WWOX: variants seen among roughly 807,000 people sequenced by gnomAD.
The protein encoded by WWOX is WW domain-containing oxidoreductase.
A neutral mutation model predicts 46.2 loss-of-function variants in WWOX; 69 were observed. The ratio of observed to expected loss-of-function variants is 1.49; its 90% confidence interval spans 1.23 to 1.82. The LOEUF is 1.82. Among genes scored for constraint, WWOX ranks in the 40% most tolerant of loss-of-function variants. The pLI, the probability that WWOX is intolerant of heterozygous loss-of-function variation, is 0.00. For missense variants in WWOX, 919 were observed against 542.6 expected (o/e 1.69, Z -6.89); for synonymous variants, 359 against 202.6 (o/e 1.77, Z -6.56).
At chr16:78,532,796 C>T (rs1210023172) in intron 8 of WWOX, among the ~76,000 whole-genome samples, 2 of 152,098 alleles carry the variant, frequency 1.3e-5, no homozygotes, top group Non-Finnish European at 2.9e-5. Flanking sequence ...TTGGGAAAGA[C>T]CTGCCTCCAT....
In WWOX at chr16:79,120,093, A is replaced by C. The variant is rs117308655; in HGVS notation, c.1057-91515A>C. On this transcript the variant is annotated intron_variant, in intron 8 of 8. Transcript: ENST00000566780. Reference sequence around the variant, plus strand: ...TGCAGTTTATTTAGATAACATTTTCACTTAACATCCTGCCGTTAATGACCT... The same window carrying C: ...TGCAGTTTATTTAGATAACATTTTCCCTTAACATCCTGCCGTTAATGACCT... Among the ~76,000 whole-genome samples, 1,298 of 152,210 alleles carry C rather than the reference A, an allele frequency of 8.5e-3. 8 individuals carry two copies. The highest frequency in any genetic ancestry group is 0.015 in the Non-Finnish European group (1,029 of 68,010).
intron 5 of WWOX, among the ~76,000 whole-genome samples, chr16:78,239,403 G>A (rs56015326): frequency 0.17 from 25,301 of 152,108 alleles, 2,880 homozygotes; most frequent in African/African-American, 0.32. Flanking sequence ...TGGAGAACTG[G>A]GTCCAGGGAT....
chr16:79,038,811 A>G (rs1344826756), intron 8 of WWOX, among the ~76,000 whole-genome samples: 1 of 152,086 alleles, frequency 6.6e-6, no homozygotes, highest in African/African-American at 2.4e-5. Context: ...CAGCCTCCCA[A>G]AGTGCTGGGA....
chr16:79,031,372 CTTCTT>C (rs1373232620), intron 8 of WWOX, among the ~76,000 whole-genome samples: 3 of 152,090 alleles, frequency 2.0e-5, no homozygotes, highest in African/African-American at 4.8e-5. Flanking sequence ...CTCCTGCCTC[CTTCTT>C]TTCTTCAGGA....
At chr16:78,378,874 G>T (rs930675642) in intron 5 of WWOX, among the ~76,000 whole-genome samples, 1 of 152,142 alleles carries the variant, frequency 6.6e-6, no homozygotes, top group African/African-American at 2.4e-5. Flanking sequence ...ATATAAAACA[G>T]ACACAAATAA....
At chr16:78,353,902 G>A (rs1375768081) in intron 5 of WWOX, among the ~76,000 whole-genome samples, 1 of 152,208 alleles carries the variant, frequency 6.6e-6, no homozygotes, top group African/African-American at 2.4e-5. Context: ...ATTCCTGGGT[G>A]ATGGCTTCTT....
At chr16:79,050,421 A>T (rs1418946328) in intron 8 of WWOX, among the ~76,000 whole-genome samples, 1 of 152,222 alleles carries the variant, frequency 6.6e-6, no homozygotes, top group African/African-American at 2.4e-5. Flanking sequence ...CAGAAATGCA[A>T]GACAGCAACT....
At chr16:78,394,083 T>C (rs1469622182) in intron 6 of WWOX, among the ~76,000 whole-genome samples, 1 of 152,190 alleles carries the variant, frequency 6.6e-6, no homozygotes, top group Admixed American at 6.5e-5. Context: ...TTCCAAATTT[T>C]GTGGGATGAA....
chr16:79,127,665 G>C (rs535535820), intron 8 of WWOX, among the ~76,000 whole-genome samples: 1 of 152,106 alleles, frequency 6.6e-6, no homozygotes, highest in Non-Finnish European at 1.5e-5. Context: ...TATGCACTCC[G>C]GTCGTTTTCA....
chr16:78,964,431 C>A (rs59064947), intron 8 of WWOX, among the ~76,000 whole-genome samples: 22 of 152,138 alleles, frequency 1.4e-4, no homozygotes, highest in Admixed American at 3.9e-4. Context: ...TTTGCCCCTG[C>A]GCTAGAGATT....
intron 6 of WWOX, among the ~76,000 whole-genome samples, chr16:78,415,105 A>G (rs1349939633): frequency 6.7e-6 from 1 of 148,490 alleles, no homozygotes; most frequent in East Asian, 1.9e-4. Flanking sequence ...ATACAATATT[A>G]TATATAATAT....
intron 5 of WWOX, among the ~76,000 whole-genome samples, chr16:78,315,059 A>G (rs986216733): frequency 2.6e-5 from 4 of 151,968 alleles, no homozygotes; most frequent in Non-Finnish European, 5.9e-5. Context: ...CCATCTATCA[A>G]TCATCTATCA....
chr16:78,774,704 T>C (rs1034115749), intron 8 of WWOX, among the ~76,000 whole-genome samples: 2 of 151,838 alleles, frequency 1.3e-5, no homozygotes, highest in Non-Finnish European at 2.9e-5. Flanking sequence ...GAGGGGAGGC[T>C]GTACATGTCC....
rs566772147 is a variant in WWOX at position 78,845,113 on chromosome 16, C to T, written c.1057-366495C>T. 1.2e-4 allele frequency among the ~76,000 whole-genome samples: 13 copies of T among 111,342 alleles called. No individual in the cohort carries two copies. In the East Asian group the frequency reaches 2.2e-3, roughly 18 times the overall value. 73.0% of individuals were successfully genotyped at this position (111,342 alleles called of 152,430 possible). A position where few individuals can be genotyped will look rare whatever the true frequency, so the allele number is the denominator to read the frequency against. ...CCTATTTAATAGCCCTGCATTCATG[C>T]ACTTTTTTTATCTTGCTGTCTTTTT... is the stretch of plus-strand genomic sequence containing the variant. On this transcript the variant is annotated intron_variant, in intron 8 of 8. Coordinates refer to ENST00000566780, the MANE Select transcript of WWOX (RefSeq NM_016373.4).
intron 5 of WWOX, among the ~76,000 whole-genome samples, chr16:78,299,987 T>C (rs1166508982): frequency 6.6e-6 from 1 of 152,296 alleles, no homozygotes; most frequent in East Asian, 1.9e-4. Context: ...TTGGCCGCAG[T>C]GTTGGTTCAT....
At chr16:78,499,424 C>T (rs1206597346) in intron 8 of WWOX, among the ~76,000 whole-genome samples, 2 of 152,196 alleles carry the variant, frequency 1.3e-5, no homozygotes, top group Non-Finnish European at 2.9e-5. Flanking sequence ...TGGCTTGTAT[C>T]CCACCTGTTC....
intron 8 of WWOX, among the ~76,000 whole-genome samples, chr16:79,140,337 A>G (rs1252011370): frequency 6.6e-6 from 1 of 152,098 alleles, no homozygotes; most frequent in African/African-American, 2.4e-5. Flanking sequence ...ATCTCCCTTC[A>G]TTTGTACAGA....
At chr16:78,961,471 G>T (rs780473867) in intron 8 of WWOX, among the ~76,000 whole-genome samples, 20 of 152,000 alleles carry the variant, frequency 1.3e-4, no homozygotes, top group Non-Finnish European at 2.6e-4. Context: ...ATGGATGGAT[G>T]GATGGATGGA....
At chr16:78,450,461 A>G (rs570096746) in intron 8 of WWOX, among the ~76,000 whole-genome samples, 1 of 152,326 alleles carries the variant, frequency 6.6e-6, no homozygotes, top group East Asian at 1.9e-4. Flanking sequence ...AAGTAATCTG[A>G]GCTAGAAAGT....
Sources: gnomAD v4.1 joint callset for allele counts (sites outside exome capture counted in the v4.1 genomes callset) on GRCh38, gnomAD v4.1.1 for gene constraint, MANE v1.5 for transcripts, NCBI Gene and HGNC (gene_info 2026-07-23, HGNC 2026-07-21) for gene names.